The following ALDH1L1 variants were observed in gnomAD, a reference collection of about 807,000 sequenced individuals.
ALDH1L1 encodes aldehyde dehydrogenase 1 family member L1.
In ALDH1L1, 68 loss-of-function variants were observed where a neutral mutation model predicts 101.1. The ratio of observed to expected loss-of-function variants is 0.67; its 90% CI spans 0.55 to 0.82. The LOEUF is 0.82. ALDH1L1 is among the 40% of genes least tolerant of loss of function. The probability of loss-of-function intolerance (pLI) is 0.00; values close to 1 mark genes in which losing one functional copy is unlikely to be tolerated. For synonymous variants in ALDH1L1, 486 were observed against 470.8 expected, an observed-to-expected ratio of 1.03 and a Z score of -0.42; for missense variants, 1,087 against 1,172.7, an observed-to-expected ratio of 0.93 and a Z score of 1.07.
At chr3:126,109,819 G>C in intron 20 of ALDH1L1, 125 bp downstream of exon 20, 1 of 1,376,480 alleles carries the variant, frequency 7.3e-7, no homozygotes, top group Non-Finnish European at 9.8e-7. Flanking sequence ...TCCCAGATGG[G>C]GCTGCAGCCT....
chr3:126,126,913 C>G (rs1485826860), intron 14 of ALDH1L1, among the ~76,000 whole-genome samples: 1 of 152,182 alleles, frequency 6.6e-6, no homozygotes, highest in East Asian at 1.9e-4. Context: ...CATGGAGAGA[C>G]AGACTCACAG....
chr3:126,147,293 T>A (rs970758541), intron 8 of ALDH1L1, among the ~76,000 whole-genome samples: 4 of 152,176 alleles, frequency 2.6e-5, no homozygotes, highest in Non-Finnish European at 5.9e-5. Context: ...TGACCCCCAC[T>A]CACCTTGGTG....
Position 126,125,739 on chromosome 3 carries a change from T to C in ALDH1L1, c.1695-18A>G, listed in dbSNP as rs373588125. The stretch of plus-strand genomic sequence containing the variant: ...CACAAACCCTGCCACACAAAAGAGG[T>C]TGGCCTTTGTCCTTCTTCTCCACCA... On this transcript the variant is annotated intron_variant, in intron 14 of 22. Transcript: ENST00000393434. 2 of 1,504,522 alleles carry C rather than the reference T, an allele frequency of 1.3e-6. No homozygotes were observed. The highest frequency in any genetic ancestry group is 2.0e-5 in the Admixed American group (1 of 50,362). 93.2% of individuals were successfully genotyped at this position (1,504,522 alleles called of 1,614,324 possible).
intron 8 of ALDH1L1, 47 bp downstream of exon 8, chr3:126,150,359 C>A (rs374203125): frequency 1.9e-6 from 3 of 1,542,996 alleles, no homozygotes; most frequent in East Asian, 2.5e-5. Context: ...CACATGTGCA[C>A]GGCACAACCT....
intron 16 of ALDH1L1, among the ~76,000 whole-genome samples, chr3:126,123,053 C>T (rs1046393552): frequency 6.6e-6 from 1 of 152,104 alleles, no homozygotes; most frequent in Admixed American, 6.6e-5. Flanking sequence ...TATGGAGGCA[C>T]ATTTTAGATT....
At chr3:126,168,020 G>A (rs1308842562) in intron 1 of ALDH1L1, among the ~76,000 whole-genome samples, 2 of 151,858 alleles carry the variant, frequency 1.3e-5, no homozygotes, top group Non-Finnish European at 2.9e-5. Flanking sequence ...TTGCATGCAA[G>A]GTGTATAAAA....
chr3:126,132,657 G>A lies in ALDH1L1; in HGVS notation c.1473-1123C>T, dbSNP rs192549326. On this transcript the variant is annotated intron_variant, in intron 12 of 22. Coordinates refer to ENST00000393434, the MANE Select transcript of ALDH1L1 (RefSeq NM_012190.4). ...TACTTGTTTCAGACACGGACTCAAT[G>A]GGAAGCCGACCCAAATCCCCAACCA... Among the ~76,000 whole-genome samples the A allele has an allele frequency of 8.5e-5, 13 of 152,236 alleles. No individual in the cohort carries two copies. In the East Asian group the frequency reaches 2.1e-3, roughly 25 times the overall value.
intron 9 of ALDH1L1, among the ~76,000 whole-genome samples, chr3:126,143,269 G>A (rs746234952): frequency 2.6e-5 from 4 of 152,090 alleles, no homozygotes; most frequent in Non-Finnish European, 5.9e-5. Flanking sequence ...CATAAGTCTG[G>A]GACCATCTAT....
intron 1 of ALDH1L1, among the ~76,000 whole-genome samples, chr3:126,195,828 T>C (rs1194160493): frequency 2.0e-5 from 3 of 152,170 alleles, no homozygotes; most frequent in Non-Finnish European, 4.4e-5. Context: ...TGGATGAAGC[T>C]GGAAACCATC....
intron 14 of ALDH1L1, among the ~76,000 whole-genome samples, chr3:126,126,792 G>A (rs1182888788): frequency 1.3e-5 from 2 of 152,222 alleles, no homozygotes; most frequent in African/African-American, 2.4e-5. Flanking sequence ...CTAATGGCAT[G>A]CCCTTGCTTG....
At position 126,105,799 on chromosome 3, in the gene ALDH1L1, G is replaced by A; in HGVS notation, c.2580C>T (p.Val860=). 2 of 1,614,224 alleles carry A rather than the reference G, an allele frequency of 1.2e-6. No homozygotes were observed. The highest frequency in any genetic ancestry group is 1.7e-6 in the Non-Finnish European group (2 of 1,180,040). The part of the protein sequence containing the change: ...SDKLQAGTVF[V]NTYNKTDVAA... ...CCACGTCGGTCTTGTTGTACGTGTT[G>A]ACAAACACAGTGCCTGCCTGGAGCT... Residue 860 remains valine, a synonymous_variant, in exon 22 of 23, where the codon GTC becomes GTT. Transcript: ENST00000393434.
chr3:126,158,134 G>A (rs2080955041), intron 3 of ALDH1L1, among the ~76,000 whole-genome samples: 1 of 151,978 alleles, frequency 6.6e-6, no homozygotes, highest in Non-Finnish European at 1.5e-5. Context: ...GTCTCAGCTG[G>A]GGGATGGGAA....
At chr3:126,177,811 G>A (rs1048567517) in intron 1 of ALDH1L1, among the ~76,000 whole-genome samples, 11 of 147,324 alleles carry the variant, frequency 7.5e-5, no homozygotes, top group African/African-American at 1.8e-4. Context: ...AGGCCAAGGC[G>A]GGCTGATCAC....
At chr3:126,147,052 C>T (rs1394106978) in intron 8 of ALDH1L1, 126 bp from the exon 9 acceptor site, 3 of 849,130 alleles carry the variant, frequency 3.5e-6, no homozygotes. Flanking sequence ...CTATGTACCT[C>T]CAAGTTGTTG....
chr3:126,138,060 C>T (rs2080489217), intron 9 of ALDH1L1, 100 bp from the exon 10 acceptor site: 2 of 1,464,258 alleles, frequency 1.4e-6, no homozygotes, highest in East Asian at 2.3e-5. Context: ...AGAGAGGCTC[C>T]ATCCCAGCAC....
intron 7 of ALDH1L1, chr3:126,153,188 C>T: frequency 1.9e-6 from 1 of 535,226 alleles, no homozygotes; most frequent in South Asian, 2.0e-5. Context: ...GGGCACTCAG[C>T]CTGGAGATGG....
At chr3:126,106,139 C>T (rs938458385) in intron 21 of ALDH1L1, among the ~76,000 whole-genome samples, 13 of 152,192 alleles carry the variant, frequency 8.5e-5, no homozygotes, top group African/African-American at 2.7e-4. Flanking sequence ...CACAGGGGCT[C>T]CTGGATCATC....
chr3:126,104,395 G>C (rs757903834), intron 22 of ALDH1L1: 47 of 160,016 alleles, frequency 2.9e-4, no homozygotes, highest in Non-Finnish European at 1.6e-4. Context: ...CTGAGGTCCT[G>C]AGTCTGCCCA....
At chr3:126,156,765 C>T (rs1203281352) in intron 4 of ALDH1L1, 1 of 152,204 alleles carries the variant, frequency 6.6e-6, no homozygotes, top group Non-Finnish European at 1.5e-5. Context: ...ACTCCATCAC[C>T]CCAGCTGGTG....
Sources: allele counts gnomAD v4.1 joint callset (sites outside exome capture counted in the v4.1 genomes callset), GRCh38; gene constraint gnomAD v4.1.1; transcripts MANE v1.5; gene names NCBI Gene and HGNC (gene_info 2026-07-23, HGNC 2026-07-21).